Variants in CFAP20DC observed in about 807,000 individuals in gnomAD.
The protein encoded by CFAP20DC is CFAP20 domain containing.
Under a neutral mutation model 101.7 loss-of-function variants are expected in CFAP20DC, and 84 were observed. That is an observed-to-expected ratio of 0.83 (90% confidence interval 0.69 to 0.99). CFAP20DC has a LOEUF of 0.99. CFAP20DC is among the 50% of genes least tolerant of loss of function. The pLI, the probability that CFAP20DC is intolerant of heterozygous loss-of-function variation, is 0.00. For synonymous variants in CFAP20DC, 359 were observed against 351.2 expected (o/e 1.02, Z -0.25); for missense variants, 1,007 against 970.3 (o/e 1.04, Z -0.50).
chr3:58,920,770 T>C (rs2085278236), intron 5 of CFAP20DC, among the ~76,000 whole-genome samples: 1 of 152,198 alleles, frequency 6.6e-6, no homozygotes, highest in Non-Finnish European at 1.5e-5. Flanking sequence ...TTTACTATCT[T>C]TGTCTGATTT....
intron 13 of CFAP20DC, among the ~76,000 whole-genome samples, chr3:58,838,460 T>C (rs560965954): frequency 2.0e-5 from 3 of 152,310 alleles, no homozygotes; most frequent in African/African-American, 7.2e-5. Flanking sequence ...ACCACTCACT[T>C]AAGAATGTCT....
chr3:58,778,389 TGAG>T lies in CFAP20DC; in HGVS notation c.2238-24529_2238-24527del, dbSNP rs1239876918. On this transcript the variant is annotated intron_variant, in intron 15 of 16. Transcript: ENST00000482387. ...GAAACTGGGTATTCCTCTTCGGGTG[TGAG>T]GTGGGGCGTTCTCTACCTGCTGCTA... is the stretch of plus-strand genomic sequence containing the variant. Among the ~76,000 whole-genome samples, 7 of 152,110 alleles carry T rather than the reference TGAG, an allele frequency of 4.6e-5. No homozygotes were observed. The East Asian group carries it at 1.3e-3, about 29-fold the overall frequency.
intron 3 of CFAP20DC, among the ~76,000 whole-genome samples, chr3:59,040,366 C>G (rs1307002680): frequency 6.6e-6 from 1 of 151,998 alleles, no homozygotes; most frequent in African/African-American, 2.4e-5. Flanking sequence ...TATTACCTCT[C>G]CAGATCTGTT....
At chr3:58,982,255 T>G (rs138498914) in intron 4 of CFAP20DC, among the ~76,000 whole-genome samples, 1 of 152,210 alleles carries the variant, frequency 6.6e-6, no homozygotes, top group Non-Finnish European at 1.5e-5. Context: ...TTTACACTGT[T>G]GCTGGGACTG....
chr3:58,869,387 G>T lies in CFAP20DC; in HGVS notation c.956C>A (p.Ser319Tyr), dbSNP rs772006712. The change falls in exon 9 of 17, where the codon TCT becomes TAT. Residue 319 changes from serine to tyrosine, a missense_variant. Ser to Tyr is a moderately radical substitution (Grantham distance 144). Coordinates refer to ENST00000482387, the MANE Select transcript of CFAP20DC (RefSeq NM_001394063.1). This position sits in a 1 kb window ranked among gnomAD's most constrained non-coding sequence, Gnocchi z 4.3. ...TEMSALLIPE[S>Y]EEQGNKENIH... ...ATTTTCTTTATTTCCTTGTTCCTCA[G>T]ACTCAGGTATCAGCAAGGCTGACAT... 8.1e-6 allele frequency: 13 copies of T among 1,613,662 alleles called. No homozygotes were observed. The South Asian group carries it at 1.4e-4, about 18-fold the overall frequency.
chr3:58,729,101 A>T lies in CFAP20DC; in HGVS notation c.198-11473T>A, dbSNP rs542302395. On this transcript the variant is annotated intron_variant, in intron 3 of 3. Coordinates refer to the CFAP20DC transcript ENST00000486145. This position sits in a 1 kb window ranked among gnomAD's most constrained non-coding sequence, Gnocchi z 4.4. ...CAGATGGCTGCAGTCTGGACCAAAA[A>T]ATCTTGACTGCAACCTCATGAGAGA... Among the ~76,000 whole-genome samples, 1 of 152,242 alleles carries T rather than the reference A, an allele frequency of 6.6e-6. No individual in the cohort carries two copies. Among genetic ancestry groups the T allele is most frequent in the Non-Finnish European group, 1.5e-5 (1 of 68,004 alleles).
chr3:58,843,338 A>G (rs1475466763), intron 13 of CFAP20DC, among the ~76,000 whole-genome samples: 1 of 152,098 alleles, frequency 6.6e-6, no homozygotes, highest in African/African-American at 2.4e-5. Context: ...GGAGCTGAAA[A>G]CCAAGGCTCG....
In CFAP20DC at chr3:59,047,354, T is replaced by A. The variant is rs932258118; in HGVS notation, c.22-100A>T. Reference sequence around the variant, plus strand: ...TGTTCCCGGCATCTGTCAGTTAAGCTGATCTGGGATGAAACATTCTCCCTG... The same window carrying A: ...TGTTCCCGGCATCTGTCAGTTAAGCAGATCTGGGATGAAACATTCTCCCTG... On this transcript the variant is annotated intron_variant, in intron 1 of 16. Coordinates refer to ENST00000482387, the MANE Select transcript of CFAP20DC (RefSeq NM_001394063.1). The A allele has an allele frequency of 8.9e-5, 65 of 728,968 alleles. No homozygotes were observed. In the Admixed American group the frequency reaches 1.6e-3, roughly 18 times the overall value. The allele number at this position is 728,968 out of a possible 1,614,324, so 45.2% of individuals were successfully genotyped here. A position where few individuals can be genotyped will look rare whatever the true frequency, so the allele number is the denominator to read the frequency against.
intron 4 of CFAP20DC, among the ~76,000 whole-genome samples, chr3:58,979,532 T>C (rs1381825689): frequency 1.3e-5 from 2 of 152,196 alleles, no homozygotes; most frequent in African/African-American, 2.4e-5. Flanking sequence ...AAAAAGAAGA[T>C]GGCTGTCAGT....
chr3:58,862,287 C>T, intron 12 of CFAP20DC: 1 of 985,258 alleles, frequency 1.0e-6, no homozygotes, highest in Non-Finnish European at 1.2e-6. Context: ...CAGTTTAGAC[C>T]ATGGAAGGAT....
intron 13 of CFAP20DC, among the ~76,000 whole-genome samples, chr3:58,848,271 C>CT (rs2077899598): frequency 6.6e-6 from 1 of 152,086 alleles, no homozygotes; most frequent in African/African-American, 2.4e-5. Flanking sequence ...TATCTACTAC[C>CT]TACACCAGGT....
intron 4 of CFAP20DC, among the ~76,000 whole-genome samples, chr3:59,021,477 T>C (rs1227191744): frequency 3.9e-5 from 6 of 151,928 alleles, no homozygotes; most frequent in Admixed American, 2.0e-4. Flanking sequence ...AGTGGGTGTA[T>C]CAGTCCATCT....
intron 4 of CFAP20DC, among the ~76,000 whole-genome samples, chr3:59,036,465 T>G (rs995600557): frequency 2.6e-5 from 4 of 152,128 alleles, no homozygotes; most frequent in Non-Finnish European, 4.4e-5. Context: ...ACAAAATCAA[T>G]GTGCAAAAAT....
chr3:59,021,546 T>C (rs997873853), intron 4 of CFAP20DC, among the ~76,000 whole-genome samples: 5 of 152,064 alleles, frequency 3.3e-5, no homozygotes, highest in Non-Finnish European at 5.9e-5. Flanking sequence ...ACCTCTAAAA[T>C]TGAAACCAGC....
rs1372009836 is a variant in CFAP20DC, at chr3:59,049,856, G to A, written c.-225C>T. On this transcript the variant is annotated 5_prime_UTR_variant, in exon 1 of 17. Coordinates refer to ENST00000482387, the MANE Select transcript of CFAP20DC (RefSeq NM_001394063.1). The stretch of plus-strand genomic sequence containing the variant: ...CACCATTGCGGCTCCAGCCTCCGCG[G>A]TGCCCGGGTCTGGGGAGGGCGCAGC... 2 of 602,960 alleles carry A rather than the reference G, an allele frequency of 3.3e-6. No homozygotes were observed. The highest frequency in any genetic ancestry group is 2.8e-5 in the East Asian group (1 of 35,574). The allele number at this position is 602,960 out of a possible 1,614,324, so 37.4% of individuals were successfully genotyped here.
intron 6 of CFAP20DC, among the ~76,000 whole-genome samples, chr3:58,904,176 A>G (rs1056091035): frequency 6.6e-6 from 1 of 152,056 alleles, no homozygotes; most frequent in Non-Finnish European, 1.5e-5. Flanking sequence ...TGTAGTTTTC[A>G]GTGTACTTTC....
chr3:58,812,863 T>A (rs970436032), intron 14 of CFAP20DC, among the ~76,000 whole-genome samples: 1 of 151,840 alleles, frequency 6.6e-6, no homozygotes, highest in Non-Finnish European at 1.5e-5. Flanking sequence ...GTAATTAAAG[T>A]TCATGTATTG....
chr3:58,859,947 G>A lies in CFAP20DC; in HGVS notation c.1593+3611C>T, dbSNP rs1200915871. 6.6e-6 allele frequency among the ~76,000 whole-genome samples: 1 copy of A among 152,018 alleles called. No individual in the cohort carries two copies. Among genetic ancestry groups the A allele is most frequent in the African/African-American group, 2.4e-5 (1 of 41,400 alleles). On this transcript the variant is annotated intron_variant, in intron 12 of 16. Coordinates refer to ENST00000482387, the MANE Select transcript of CFAP20DC (RefSeq NM_001394063.1). This position sits in a 1 kb window ranked among gnomAD's most constrained non-coding sequence, Gnocchi z 4.1. The stretch of plus-strand genomic sequence containing the variant: ...TAATCCCAGCACTTTCGGAAGCCGA[G>A]GCAGGCAGATCACGAGGTCAGGAGA...
rs796682792 is a variant in CFAP20DC, at chr3:58,886,128, A to C, written c.551-1419T>G. On this transcript the variant is annotated intron_variant, in intron 6 of 16. Transcript: ENST00000482387. ...TACTATGTGTACCAAAGTCTTAAAA[A>C]TGTTCATACCATTTTACTCAGTAAT... 5.0e-4 allele frequency among the ~76,000 whole-genome samples: 76 copies of C among 152,312 alleles called. 1 individual carries two copies. The highest frequency in any genetic ancestry group is 1.8e-3 in the African/African-American group (75 of 41,572).
Sources: allele counts gnomAD v4.1 joint callset (sites outside exome capture counted in the v4.1 genomes callset), GRCh38; gene constraint gnomAD v4.1.1; non-coding constraint Gnocchi (gnomAD v3.1); transcripts MANE v1.5; gene names NCBI Gene and HGNC (gene_info 2026-07-23, HGNC 2026-07-21).